The following TEX29 variants were observed in gnomAD, a reference collection of about 807,000 sequenced individuals.
TEX29 encodes the protein testis-expressed protein 29.
In TEX29, 26 loss-of-function variants were observed where a neutral mutation model predicts 18.2. That is an observed-to-expected ratio of 1.43 (90% confidence interval 1.04 to 1.98). TEX29 has a LOEUF of 1.98. TEX29 is among the 30% of genes most tolerant of loss of function. TEX29 has a pLI of 0.00. For missense variants in TEX29, 177 were observed against 194.2 expected (o/e 0.91, Z 0.53); for synonymous variants, 83 against 78.5 (o/e 1.06, Z -0.31).
At chr13:111,328,323 G>A (rs933214908) in intron 3 of TEX29, 30 bp downstream of exon 3, 11 of 1,516,588 alleles carry the variant, frequency 7.3e-6, no homozygotes, top group South Asian at 3.4e-5. Context: ...ACCCCGTGGC[G>A]GAAGCCGAGG....
rs574069543 is a variant in TEX29 at position 111,322,654 on chromosome 13, A to G, written c.58+1706A>G. Among the ~76,000 whole-genome samples, 13 of 152,288 alleles carry G rather than the reference A, an allele frequency of 8.5e-5. No homozygotes were observed. The East Asian group carries it at 1.5e-3, about 18-fold the overall frequency. ...TCACCTTGCCATGGCCATGCCCAGG[A>G]CCCAGCTCCTGGTGTCTGCAGGCGA... On this transcript the variant is annotated intron_variant, in intron 2 of 5. Coordinates refer to ENST00000283547, the MANE Select transcript of TEX29 (RefSeq NM_152324.3).
Position 111,344,232 on chromosome 13 carries a change from A to C in TEX29, c.*109A>C. The C allele has an allele frequency of 2.1e-6, 2 of 940,384 alleles. No homozygotes were observed. The highest frequency in any genetic ancestry group is 3.3e-6 in the Non-Finnish European group (2 of 603,272). 58.3% of individuals were successfully genotyped at this position (940,384 alleles called of 1,614,324 possible). On this transcript the variant is annotated 3_prime_UTR_variant, in exon 6 of 6. Coordinates refer to ENST00000283547, the MANE Select transcript of TEX29 (RefSeq NM_152324.3). ...TGACCACCCAAAGAGAAAAAAATAA[A>C]GGTATTTTGAAAATTGCTTCTCGTC...
intron 3 of TEX29, among the ~76,000 whole-genome samples, chr13:111,336,624 T>C (rs534388586): frequency 6.6e-6 from 1 of 152,388 alleles, no homozygotes; most frequent in South Asian, 2.1e-4. Flanking sequence ...GTATCTGACT[T>C]CAGTTTCTTC....
intron 2 of TEX29, among the ~76,000 whole-genome samples, chr13:111,322,532 G>A (rs1055173695): frequency 6.6e-6 from 1 of 152,172 alleles, no homozygotes; most frequent in African/African-American, 2.4e-5. Context: ...CTGGAGGCTG[G>A]TGCCACTTCT....
At chr13:111,323,275 C>A (rs1273174106) in intron 2 of TEX29, among the ~76,000 whole-genome samples, 1 of 152,194 alleles carries the variant, frequency 6.6e-6, no homozygotes, top group Non-Finnish European at 1.5e-5. Flanking sequence ...GTTCACATGG[C>A]CCTGGATGGC....
At chr13:111,320,262 C>T (rs2093661606), upstream of TEX29, among the ~76,000 whole-genome samples, 1 of 152,212 alleles carries the variant, frequency 6.6e-6, no homozygotes, top group Non-Finnish European at 1.5e-5. Flanking sequence ...CTGTCCTCTC[C>T]CCAGGAGGGA....
intron 2 of TEX29, 48 bp downstream of exon 2, chr13:111,320,996 G>GT (rs749590775): frequency 6.2e-6 from 6 of 963,622 alleles, no homozygotes; most frequent in South Asian, 3.5e-5. Context: ...GGGAGCAGTT[G>GT]GGGGGGGGCA....
At chr13:111,317,121 T>A (rs548153605), upstream of TEX29, among the ~76,000 whole-genome samples, 5 of 152,088 alleles carry the variant, frequency 3.3e-5, no homozygotes, top group Non-Finnish European at 7.4e-5. Context: ...TTAGATGCAA[T>A]ATTTAATTAA....
At chr13:111,316,380 C>T, upstream of TEX29, 1 of 434,434 alleles carries the variant, frequency 2.3e-6, no homozygotes, top group South Asian at 1.6e-5. Flanking sequence ...GGAGCCCCCG[C>T]TGTCTGCCCT....
rs547742613 is a variant in TEX29 at position 111,344,248 on chromosome 13, G to C, written c.*125G>C. On this transcript the variant is annotated 3_prime_UTR_variant, in exon 6 of 6. Transcript: ENST00000283547. Reference sequence around the variant, plus strand: ...AAAAAATAAAGGTATTTTGAAAATTGCTTCTCGTCCGATGTTGCTTATTCA... The same window carrying C: ...AAAAAATAAAGGTATTTTGAAAATTCCTTCTCGTCCGATGTTGCTTATTCA... The C allele has an allele frequency of 2.4e-5, 19 of 801,938 alleles. No individual in the cohort carries two copies. Among genetic ancestry groups the C allele is most frequent in the African/African-American group, 2.1e-4 (12 of 57,166 alleles). The allele number at this position is 801,938 out of a possible 1,614,324, so 49.7% of individuals were successfully genotyped here. A position where few individuals can be genotyped will look rare whatever the true frequency, so the allele number is the denominator to read the frequency against.
chr13:111,339,762 G>A (rs1054101353), intron 3 of TEX29, 101 bp from the exon 4 acceptor site: 28 of 1,204,792 alleles, frequency 2.3e-5, no homozygotes, highest in Middle Eastern at 1.9e-4. Context: ...CAGCCGCGCC[G>A]GGAGGGCCCG....
chr13:111,334,072 G>A (rs1286949612), intron 3 of TEX29, among the ~76,000 whole-genome samples: 1 of 152,172 alleles, frequency 6.6e-6, no homozygotes, highest in African/African-American at 2.4e-5. Flanking sequence ...TCCAATGTCT[G>A]TGCTTCCTCA....
intron 3 of TEX29, among the ~76,000 whole-genome samples, chr13:111,336,086 C>T (rs2093689299): frequency 6.6e-6 from 1 of 152,230 alleles, no homozygotes; most frequent in African/African-American, 2.4e-5. Flanking sequence ...CACAAGCTCT[C>T]AAGAAAGTTT....
At chr13:111,333,571 C>T (rs1263899703) in intron 3 of TEX29, among the ~76,000 whole-genome samples, 1 of 152,140 alleles carries the variant, frequency 6.6e-6, no homozygotes, top group African/African-American at 2.4e-5. Context: ...TTAATAATGT[C>T]TATATTTCTA....
chr13:111,326,248 A>G (rs1319136950), intron 2 of TEX29, among the ~76,000 whole-genome samples: 19 of 39,740 alleles, frequency 4.8e-4, no homozygotes, highest in East Asian at 1.0e-3. Flanking sequence ...ACTGCGGGCA[A>G]CGCGAGCCTG....
chr13:111,332,195 C>T lies in TEX29; in HGVS notation c.169+3902C>T, dbSNP rs187504002. On this transcript the variant is annotated intron_variant, in intron 3 of 5. Transcript: ENST00000283547. ...TGGTCCATGAACAGGGGTAGTCTTT[C>T]TATTTATTTCGGTCTTTAATTTTTT... Among the ~76,000 whole-genome samples the T allele has an allele frequency of 6.2e-3, 939 of 152,054 alleles. 12 individuals carry two copies. The highest frequency in any genetic ancestry group is 0.021 in the African/African-American group (869 of 41,474).
upstream of TEX29, among the ~76,000 whole-genome samples, chr13:111,318,798 G>A (rs1359851822): frequency 1.3e-5 from 2 of 152,222 alleles, no homozygotes. Context: ...AAATAGCCTG[G>A]CAGGTCCTCA....
upstream of TEX29, among the ~76,000 whole-genome samples, chr13:111,318,182 T>C (rs1162217325): frequency 6.6e-6 from 1 of 152,148 alleles, no homozygotes; most frequent in East Asian, 1.9e-4. Flanking sequence ...AGTGCTTTGC[T>C]CAAGTTGTTA....
chr13:111,321,649 A>G (rs967944367), intron 2 of TEX29, among the ~76,000 whole-genome samples: 1 of 152,012 alleles, frequency 6.6e-6, no homozygotes, highest in Non-Finnish European at 1.5e-5. Context: ...AGAAAATCGG[A>G]TGGGCGTGGT....
Sources: gnomAD v4.1 joint callset for allele counts (sites outside exome capture counted in the v4.1 genomes callset) on GRCh38, gnomAD v4.1.1 for gene constraint, MANE v1.5 for transcripts, NCBI Gene and HGNC (gene_info 2026-07-23, HGNC 2026-07-21) for gene names.